Variants in SRPK2 observed in about 807,000 individuals in gnomAD.
SRPK2 encodes the protein SFRS protein kinase 2.
A neutral mutation model predicts 90.8 loss-of-function variants in SRPK2; 21 were observed. The observed-to-expected ratio is 0.23, with a 90% CI of 0.16 to 0.33. SRPK2 has a LOEUF of 0.33. Among genes scored for constraint, SRPK2 ranks in the 10% least tolerant of loss-of-function variants. The pLI is 1.00. For synonymous variants in SRPK2, 288 were observed against 311.1 expected (o/e 0.93, Z 0.78); for missense variants, 620 against 869.0 (o/e 0.71, Z 3.60).
intron 2 of SRPK2, among the ~76,000 whole-genome samples, chr7:105,306,900 T>C (rs1165762136): frequency 6.6e-6 from 1 of 152,210 alleles, no homozygotes; most frequent in African/African-American, 2.4e-5. Context: ...ATTATAGATA[T>C]GGAGACTCAC....
chr7:105,146,286 TA>T (rs2129577551), intron 8 of SRPK2, among the ~76,000 whole-genome samples: 1 of 152,346 alleles, frequency 6.6e-6, no homozygotes, highest in African/African-American at 2.4e-5. Flanking sequence ...AATGGCCTTT[TA>T]AAGGGGGACA....
intron 2 of SRPK2, among the ~76,000 whole-genome samples, chr7:105,322,939 T>C (rs1813109101): frequency 1.3e-5 from 2 of 152,058 alleles, no homozygotes; most frequent in African/African-American, 4.8e-5. Flanking sequence ...TGGCTCATGC[T>C]TGTAATCCCA....
chr7:105,256,300 CTGT>C (rs139826935), intron 2 of SRPK2, among the ~76,000 whole-genome samples: 2,376 of 152,270 alleles, frequency 0.016, 63 homozygotes, highest in African/African-American at 0.052. Flanking sequence ...ATTGTTAAGG[CTGT>C]TTTGAGTTAC....
chr7:105,312,252 C>A (rs1385890123), intron 2 of SRPK2, among the ~76,000 whole-genome samples: 1 of 151,964 alleles, frequency 6.6e-6, no homozygotes, highest in Non-Finnish European at 1.5e-5. Flanking sequence ...CCAGCCTGGA[C>A]AATATAGTGA....
At chr7:105,288,283 A>G (rs1277263907) in intron 2 of SRPK2, among the ~76,000 whole-genome samples, 1 of 152,148 alleles carries the variant, frequency 6.6e-6, no homozygotes, top group East Asian at 1.9e-4. Flanking sequence ...TGAACTTAAA[A>G]TAAATAAATA....
At position 105,168,009 on chromosome 7, in the gene SRPK2, C is replaced by G. The variant is rs1400140937; in HGVS notation, c.425G>C (p.Cys142Ser). The G allele has an allele frequency of 6.2e-7, 1 of 1,604,406 alleles. No individual in the cohort carries two copies. Among genetic ancestry groups the G allele is most frequent in the South Asian group, 1.1e-5 (1 of 89,108 alleles). Residue 142 changes from cysteine (C) to serine (S), a missense_variant and splice_region_variant, in exon 5 of 16, where the codon TGT becomes TCT. Physicochemically the swap from Cys to Ser is moderately radical, Grantham distance 112. Transcript: ENST00000393651. ...CATTCACATTTTTAAAGTACTTACA[C>G]ATTTGAGCAATTTTATTTCATCCAA... ...TALDEIKLLKCVRESDPSDPN... is the reference protein window; with the variant it reads ...TALDEIKLLKSVRESDPSDPN...
At chr7:105,189,184 G>A (rs1793959643) in intron 3 of SRPK2, 2 of 154,606 alleles carry the variant, frequency 1.3e-5, no homozygotes, top group East Asian at 1.9e-4. Flanking sequence ...CCCGCCACTC[G>A]CCCGCACCAC....
intron 2 of SRPK2, among the ~76,000 whole-genome samples, chr7:105,288,475 T>G (rs930588072): frequency 5.9e-5 from 9 of 151,958 alleles, no homozygotes; most frequent in African/African-American, 2.2e-4. Context: ...GCACCTGTAA[T>G]CTCAGCTACT....
intron 2 of SRPK2, among the ~76,000 whole-genome samples, chr7:105,283,675 G>C (rs192136692): frequency 1.3e-5 from 2 of 152,222 alleles, no homozygotes; most frequent in East Asian, 1.9e-4. Flanking sequence ...AAATGTTCTA[G>C]AATTATGTAA....
At chr7:105,161,202 G>A in intron 6 of SRPK2, among the ~76,000 whole-genome samples, 1 of 152,096 alleles carries the variant, frequency 6.6e-6, no homozygotes, top group African/African-American at 2.4e-5. Flanking sequence ...TGGGATTACA[G>A]GCATGAGCCA....
intron 2 of SRPK2, among the ~76,000 whole-genome samples, chr7:105,224,144 T>G (rs990239491): frequency 6.6e-6 from 1 of 152,212 alleles, no homozygotes; most frequent in Non-Finnish European, 1.5e-5. Context: ...TGTACCATAT[T>G]AAGCAGCCCC....
intron 2 of SRPK2, among the ~76,000 whole-genome samples, chr7:105,278,518 CAAA>C (rs745938997): frequency 8.4e-5 from 8 of 95,258 alleles, no homozygotes; most frequent in South Asian, 3.2e-4. Context: ...AATAAAAATA[CAAA>C]AAAAAAAAAA....
chr7:105,383,263 G>T (rs927901692), intron 2 of SRPK2, among the ~76,000 whole-genome samples: 11 of 150,754 alleles, frequency 7.3e-5, no homozygotes, highest in Non-Finnish European at 1.0e-4. Flanking sequence ...GTAGAGACGG[G>T]GTTTCACCGT....
intron 2 of SRPK2, among the ~76,000 whole-genome samples, chr7:105,207,189 T>C (rs1407570303): frequency 2.6e-5 from 4 of 152,148 alleles, no homozygotes; most frequent in Non-Finnish European, 5.9e-5. Context: ...CAGGGTGGAG[T>C]GCAGTGGTGC....
At chr7:105,399,194 G>A (rs1220069656) in exon 1 of SRPK2, 1 of 152,146 alleles carries the variant, frequency 6.6e-6, no homozygotes, top group African/African-American at 2.4e-5. Flanking sequence ...AGTTTAGCTG[G>A]TGAGTCAAGA....
intron 2 of SRPK2, among the ~76,000 whole-genome samples, chr7:105,251,027 G>A (rs991524223): frequency 6.6e-6 from 1 of 152,206 alleles, no homozygotes; most frequent in Non-Finnish European, 1.5e-5. Context: ...CGTGGCAGTG[G>A]AGGAATGAAA....
At chr7:105,383,346 C>A (rs1287023072) in intron 2 of SRPK2, among the ~76,000 whole-genome samples, 1 of 151,080 alleles carries the variant, frequency 6.6e-6, no homozygotes, top group South Asian at 2.1e-4. Context: ...GGATTATAGG[C>A]ATGAGCCACC....
In SRPK2 at chr7:105,186,122, C is replaced by T. The variant is rs113118407; in HGVS notation, c.230-16857G>A. Among the ~76,000 whole-genome samples the T allele has an allele frequency of 7.5e-3, 1,148 of 152,234 alleles. 22 individuals are homozygous for T. Among genetic ancestry groups the T allele is most frequent in the African/African-American group, 0.026 (1,098 of 41,544 alleles). On this transcript the variant is annotated intron_variant, in intron 3 of 15. Transcript: ENST00000393651. Reference sequence around the variant, plus strand: ...ATTTATATAAGGTATTTTCAAACTACACAAATCTCTATTTCTATGAATGTT... The same window carrying T: ...ATTTATATAAGGTATTTTCAAACTATACAAATCTCTATTTCTATGAATGTT...
chr7:105,292,219 A>C (rs1809129623), intron 2 of SRPK2, among the ~76,000 whole-genome samples: 1 of 152,202 alleles, frequency 6.6e-6, no homozygotes, highest in Non-Finnish European at 1.5e-5. Context: ...GTTAAAAAGT[A>C]AATTAGGCTG....
Sources: gnomAD v4.1 joint callset for allele counts (sites outside exome capture counted in the v4.1 genomes callset) on GRCh38, gnomAD v4.1.1 for gene constraint, MANE v1.5 for transcripts, NCBI Gene and HGNC (gene_info 2026-07-23, HGNC 2026-07-21) for gene names.